The following ATP2A2 variants were observed in gnomAD, a reference collection of about 807,000 sequenced individuals.
ATP2A2 encodes the protein sarcoplasmic/endoplasmic reticulum calcium ATPase 2.
In ATP2A2, 14 loss-of-function variants were observed where a neutral mutation model predicts 109.3. That is an observed-to-expected ratio of 0.13 (90% confidence interval 0.08 to 0.20). The LOEUF is 0.20. ATP2A2 is among the 10% of genes least tolerant of loss of function. The pLI, the probability that ATP2A2 is intolerant of heterozygous loss-of-function variation, is 1.00. For synonymous variants in ATP2A2, 506 were observed against 490.9 expected (o/e 1.03, Z -0.41); for missense variants, 657 against 1,321.6 (o/e 0.50, Z 7.80).
In ATP2A2 at chr12:110,311,732, T is replaced by TA. The variant is rs74429533; in HGVS notation, c.464-11243dup. Among the ~76,000 whole-genome samples, 535 of 138,742 alleles carry TA rather than the reference T, an allele frequency of 3.9e-3. 1 individual carries two copies. The highest frequency in any genetic ancestry group is 8.0e-3 in the South Asian group (34 of 4,274). 91.0% of individuals were successfully genotyped at this position (138,742 alleles called of 152,430 possible). ...TGTAAAATATGAAAAGAGAATTGTTTAAAAAAAAAAAAAAAAAGGTGTTGG... is the reference window on the plus strand; with the variant it reads ...TGTAAAATATGAAAAGAGAATTGTTTAAAAAAAAAAAAAAAAAAGGTGTTGG... On this transcript the variant is annotated intron_variant, in intron 5 of 19. Transcript: ENST00000539276.
intron 3 of ATP2A2, among the ~76,000 whole-genome samples, chr12:110,283,081 GTTCTT>G (rs1355190599): frequency 1.3e-5 from 2 of 152,188 alleles, no homozygotes; most frequent in African/African-American, 4.8e-5. Flanking sequence ...ATATCAAAAA[GTTCTT>G]TTCTGGGAAG....
rs756209897 is a variant in ATP2A2 at position 110,345,422 on chromosome 12, A to C, written c.2741+40A>C. On this transcript the variant is annotated intron_variant, in intron 18 of 19. Coordinates refer to ENST00000539276, the MANE Select transcript of ATP2A2 (RefSeq NM_170665.4). Reference sequence around the variant, plus strand: ...ACGGCAGGCTGAGGCGAGCATGGTGACTGCCAGGGCACCGGGGAATTGTGT... The same window carrying C: ...ACGGCAGGCTGAGGCGAGCATGGTGCCTGCCAGGGCACCGGGGAATTGTGT... The C allele has an allele frequency of 8.7e-6, 14 of 1,613,394 alleles. No homozygotes were observed. The South Asian group carries it at 1.4e-4, about 16-fold the overall frequency.
chr12:110,289,343 G>C (rs1873014607), intron 3 of ATP2A2, among the ~76,000 whole-genome samples: 1 of 152,196 alleles, frequency 6.6e-6, no homozygotes, highest in Non-Finnish European at 1.5e-5. Flanking sequence ...TGAAAGTCTA[G>C]TATCAGAGCA....
Position 110,327,771 on chromosome 12 carries a change from T to G in ATP2A2, c.849T>G (p.Val283=). The G allele has an allele frequency of 3.1e-6, 5 of 1,614,160 alleles. No individual in the cohort carries two copies. Among genetic ancestry groups the G allele is most frequent in the Non-Finnish European group, 4.2e-6 (5 of 1,180,032 alleles). The change falls in exon 8 of 20, where the codon GTT becomes GTG. Residue 283 remains valine (V), a synonymous_variant. Transcript: ENST00000539276. The surrounding 1 kb of genome is among the most constrained non-coding windows in gnomAD (Gnocchi z 4.4). ...ATATTGGGCACTTCAATGACCCGGT[T>G]CATGGAGGGTCCTGGATCAGAGGTG... ...IINIGHFNDP[V]HGGSWIRGAI...
rs1407368248 is a variant in ATP2A2, at chr12:110,325,042, G to C, written c.545-1348G>C. The stretch of plus-strand genomic sequence containing the variant: ...TTGTCCAGGCTGGTCTTGACCTCCT[G>C]ACCTGAAGTGATCGCCCGCCTCAAA... On this transcript the variant is annotated intron_variant, in intron 6 of 19. Transcript: ENST00000539276. 2.7e-5 allele frequency among the ~76,000 whole-genome samples: 4 copies of C among 150,732 alleles called. No homozygotes were observed. The East Asian group carries it at 6.0e-4, about 23-fold the overall frequency.
At chr12:110,291,967 A>T in intron 3 of ATP2A2, 53 bp from the exon 4 acceptor site, 2 of 1,526,266 alleles carry the variant, frequency 1.3e-6, no homozygotes, top group South Asian at 2.2e-5. Flanking sequence ...ACTTTTTAAA[A>T]AAGTGACATT....
intron 19 of ATP2A2, 27 bp from the exon 20 acceptor site, chr12:110,346,174 G>A: frequency 1.2e-5 from 20 of 1,614,094 alleles, no homozygotes; most frequent in Non-Finnish European, 1.6e-5. Flanking sequence ...GAGGCTGGAG[G>A]CGTGACACGT....
In ATP2A2 at chr12:110,282,707, T is replaced by C. The variant is rs758558959; in HGVS notation, c.137-6T>C. The C allele has an allele frequency of 2.5e-5, 40 of 1,614,024 alleles. No individual in the cohort carries two copies. The highest frequency in any genetic ancestry group is 2.9e-5 in the Non-Finnish European group (34 of 1,179,998). ...CAGTTAAAACACATGTGTTTGTTTC[T>C]TACAGGAAAAACCTTGCTGGAACTT... is the stretch of plus-strand genomic sequence containing the variant. On this transcript the variant is annotated splice_polypyrimidine_tract_variant and splice_region_variant and intron_variant, in intron 2 of 19. Transcript: ENST00000539276.
intron 5 of ATP2A2, among the ~76,000 whole-genome samples, chr12:110,306,740 A>G (rs1025962053): frequency 6.6e-6 from 1 of 151,912 alleles, no homozygotes; most frequent in Non-Finnish European, 1.5e-5. Context: ...TACCACATTT[A>G]TTTTTGAGAT....
At chr12:110,312,524 C>G (rs913821688) in intron 5 of ATP2A2, among the ~76,000 whole-genome samples, 2 of 152,052 alleles carry the variant, frequency 1.3e-5, no homozygotes, top group African/African-American at 4.8e-5. Context: ...CTCAGAAAGT[C>G]CACCTCAGGA....
chr12:110,317,962 T>C (rs1030515850), intron 5 of ATP2A2, among the ~76,000 whole-genome samples: 3 of 152,210 alleles, frequency 2.0e-5, no homozygotes, highest in Admixed American at 6.5e-5. Context: ...ATTCTTTTAT[T>C]GTACCTGCCT....
chr12:110,336,637 T>C (rs1216921237), intron 11 of ATP2A2, among the ~76,000 whole-genome samples: 1 of 152,224 alleles, frequency 6.6e-6, no homozygotes. Context: ...GTCTTCCGGT[T>C]AGTGTGAGGC....
chr12:110,329,221 G>A (rs1878100064), intron 8 of ATP2A2, among the ~76,000 whole-genome samples: 1 of 152,120 alleles, frequency 6.6e-6, no homozygotes, highest in Non-Finnish European at 1.5e-5. Context: ...AAACTGTGTT[G>A]TTTAGGGATA....
rs957025728 is a variant in ATP2A2, at chr12:110,349,598, G to A, written c.*3128G>A. Reference sequence around the variant, plus strand: ...ACAACAGCTGCTCCCACATCCCCTCGGACTGGAGCTTCAGCCCTGACTGAG... The same window carrying A: ...ACAACAGCTGCTCCCACATCCCCTCAGACTGGAGCTTCAGCCCTGACTGAG... On this transcript the variant is annotated 3_prime_UTR_variant, in exon 20 of 20. Transcript: ENST00000539276. 7.1e-6 allele frequency: 7 copies of A among 986,276 alleles called. No individual in the cohort carries two copies. Among genetic ancestry groups the A allele is most frequent in the East Asian group, 2.3e-4 (2 of 8,832 alleles). The allele number at this position is 986,276 out of a possible 1,614,324, so 61.1% of individuals were successfully genotyped here.
chr12:110,295,061 C>T (rs938307803), intron 4 of ATP2A2, among the ~76,000 whole-genome samples: 1 of 152,192 alleles, frequency 6.6e-6, no homozygotes, highest in Non-Finnish European at 1.5e-5. Context: ...TCAGGCGATC[C>T]GCCCACCTCA....
At chr12:110,345,025 G>T in intron 17 of ATP2A2, 54 bp downstream of exon 17, 1 of 1,579,344 alleles carries the variant, frequency 6.3e-7, no homozygotes, top group African/African-American at 1.3e-5. Context: ...GTGAGGCCTT[G>T]ACCTTTCTGT....
At chr12:110,297,945 C>A (rs1439405456) in intron 5 of ATP2A2, among the ~76,000 whole-genome samples, 1 of 152,028 alleles carries the variant, frequency 6.6e-6, no homozygotes, top group Non-Finnish European at 1.5e-5. Context: ...ACCCCTGGGA[C>A]CAACCAGGAT....
chr12:110,319,223 G>GAAAAAAAAAA (rs59623372), intron 5 of ATP2A2, among the ~76,000 whole-genome samples: 153 of 63,458 alleles, frequency 2.4e-3, no homozygotes, highest in East Asian at 4.1e-3. Context: ...AATAAAAAAT[G>GAAAAAAAAAA]AAAAAAAAAA....
chr12:110,342,129 C>G lies in ATP2A2; in HGVS notation c.2098-99C>G, dbSNP rs1001309552. 1.1e-5 allele frequency: 15 copies of G among 1,343,616 alleles called. No homozygotes were observed. Among genetic ancestry groups the G allele is most frequent in the Non-Finnish European group, 1.5e-5 (14 of 936,798 alleles). The allele number at this position is 1,343,616 out of a possible 1,614,324, so 83.2% of individuals were successfully genotyped here. A position where few individuals can be genotyped will look rare whatever the true frequency, so the allele number is the denominator to read the frequency against. Reference sequence around the variant, plus strand: ...ACTCTTTGCCAAGAGACCTACGGCTCTATTCATTTTCCTCCTGCTTCCCAT... The same window carrying G: ...ACTCTTTGCCAAGAGACCTACGGCTGTATTCATTTTCCTCCTGCTTCCCAT... On this transcript the variant is annotated intron_variant, in intron 14 of 19. Coordinates refer to ENST00000539276, the MANE Select transcript of ATP2A2 (RefSeq NM_170665.4). This position sits in a 1 kb window ranked among gnomAD's most constrained non-coding sequence, Gnocchi z 4.6.
Sources: allele counts gnomAD v4.1 joint callset (sites outside exome capture counted in the v4.1 genomes callset), GRCh38; gene constraint gnomAD v4.1.1; non-coding constraint Gnocchi (gnomAD v3.1); transcripts MANE v1.5; gene names NCBI Gene and HGNC (gene_info 2026-07-23, HGNC 2026-07-21).